LRP1B: variants seen among roughly 807,000 people sequenced by gnomAD.
LRP1B encodes low-density lipoprotein receptor-related protein 1B.
Under a neutral mutation model 556.6 loss-of-function variants are expected in LRP1B, and 217 were observed. The observed-to-expected ratio is 0.39, with a 90% CI of 0.35 to 0.44. The LOEUF (loss-of-function observed/expected upper bound fraction) is 0.44. Ranked by LOEUF, LRP1B falls within the 20% of genes least tolerant of loss-of-function variation. The pLI is 1.00. For synonymous variants in LRP1B, 2,047 were observed against 1,865.8 expected (o/e 1.10, Z -2.50); for missense variants, 5,053 against 5,620.8 (o/e 0.90, Z 3.23).
intron 6 of LRP1B, among the ~76,000 whole-genome samples, chr2:141,206,131 T>TCACA (rs10556736): frequency 1.9e-3 from 280 of 149,540 alleles, no homozygotes; most frequent in Middle Eastern, 0.01. Context: ...AGTGTACTAT[T>TCACA]CACACACACA....
chr2:141,955,881 C>A (rs1221606577), intron 1 of LRP1B, among the ~76,000 whole-genome samples: 3 of 152,046 alleles, frequency 2.0e-5, no homozygotes, highest in East Asian at 3.9e-4. Context: ...CTTAAGCCTG[C>A]CTAAAATTTT....
intron 1 of LRP1B, among the ~76,000 whole-genome samples, chr2:142,097,686 C>A (rs555024200): frequency 6.6e-6 from 1 of 151,560 alleles, no homozygotes; most frequent in East Asian, 1.9e-4. Context: ...TATGCTACCA[C>A]AAAAATAAGA....
chr2:140,917,955 T>C (rs570072382), intron 21 of LRP1B, among the ~76,000 whole-genome samples: 3 of 152,114 alleles, frequency 2.0e-5, no homozygotes, highest in African/African-American at 7.2e-5. Context: ...GGTGGGAGTA[T>C]ACAGGAAGTC....
At chr2:141,623,951 G>A (rs1688600960) in intron 2 of LRP1B, among the ~76,000 whole-genome samples, 1 of 144,518 alleles carries the variant, frequency 6.9e-6, no homozygotes, top group East Asian at 2.1e-4. Context: ...GGAGGCAGAG[G>A]TTGCAGTGAG....
At chr2:140,498,724 A>C (rs2104881955) in intron 55 of LRP1B, among the ~76,000 whole-genome samples, 1 of 152,002 alleles carries the variant, frequency 6.6e-6, no homozygotes, top group African/African-American at 2.4e-5. Flanking sequence ...TTGTACATAA[A>C]GCTTTTTACT....
chr2:141,889,620 T>C (rs906601393), intron 1 of LRP1B, among the ~76,000 whole-genome samples: 4 of 152,154 alleles, frequency 2.6e-5, no homozygotes, highest in African/African-American at 9.7e-5. Flanking sequence ...ATGTCTAATA[T>C]CGTCTTATCT....
chr2:140,246,461 A>ACACAACGATGATATAGACC (rs1225733248), intron 87 of LRP1B, among the ~76,000 whole-genome samples: 7 of 151,454 alleles, frequency 4.6e-5, no homozygotes, highest in African/African-American at 1.5e-4. Context: ...GTACACAGAC[A>ACACAACGATGATATAGACC]CACAACGATG....
At chr2:141,359,496 A>C (rs1313547923) in intron 3 of LRP1B, among the ~76,000 whole-genome samples, 1 of 152,160 alleles carries the variant, frequency 6.6e-6, no homozygotes, top group African/African-American at 2.4e-5. Context: ...GGTGGCTCAC[A>C]TCTGTAATCC....
At chr2:140,959,967 C>G (rs1695985554) in intron 18 of LRP1B, among the ~76,000 whole-genome samples, 1 of 151,492 alleles carries the variant, frequency 6.6e-6, no homozygotes, top group Non-Finnish European at 1.5e-5. Context: ...AGTGAGGTTG[C>G]CTGGGGTACT....
intron 21 of LRP1B, among the ~76,000 whole-genome samples, chr2:140,917,379 AC>A (rs548003422): frequency 1.1e-3 from 163 of 152,288 alleles, no homozygotes; most frequent in African/African-American, 3.7e-3. Flanking sequence ...ACTTATGTCC[AC>A]CCAAAAGCCT....
intron 18 of LRP1B, among the ~76,000 whole-genome samples, chr2:140,970,745 T>TGAGAGAGGG (rs1696394412): frequency 7.1e-5 from 2 of 28,166 alleles, no homozygotes; most frequent in African/African-American, 1.3e-4. Context: ...TTTTTTTTTT[T>TGAGAGAGGG]TTTTTTTTTT....
At chr2:141,089,613 T>C (rs891725125) in intron 7 of LRP1B, among the ~76,000 whole-genome samples, 7 of 152,340 alleles carry the variant, frequency 4.6e-5, no homozygotes, top group Admixed American at 2.0e-4. Context: ...ATGCTACCAC[T>C]GTGCATAACT....
At chr2:141,704,468 T>C (rs373467154) in intron 2 of LRP1B, among the ~76,000 whole-genome samples, 81 of 152,088 alleles carry the variant, frequency 5.3e-4, no homozygotes, top group African/African-American at 1.8e-3. Flanking sequence ...ACCCTCCATG[T>C]TCTTGAATTT....
chr2:141,288,083 C>A lies in LRP1B; in HGVS notation c.344-33442G>T, dbSNP rs536766722. Among the ~76,000 whole-genome samples the A allele has an allele frequency of 1.2e-4, 18 of 152,270 alleles. No individual in the cohort carries two copies. The East Asian group carries it at 3.5e-3, about 29-fold the overall frequency. ...ATACATACTATCTACTATCCCAACACTTTCTTCCAATCCAATTGTCTATCT... is the reference window on the plus strand; with the variant it reads ...ATACATACTATCTACTATCCCAACAATTTCTTCCAATCCAATTGTCTATCT... On this transcript the variant is annotated intron_variant, in intron 3 of 90. Coordinates refer to ENST00000389484, the MANE Select transcript of LRP1B (RefSeq NM_018557.3).
intron 77 of LRP1B, 125 bp downstream of exon 77, chr2:140,350,671 GA>G: frequency 3.9e-6 from 3 of 773,004 alleles, no homozygotes; most frequent in Non-Finnish European, 5.8e-6. Flanking sequence ...TCTATTTAAG[GA>G]GAATATTGGG....
chr2:141,510,906 ACACCC>A (rs1200519692), intron 2 of LRP1B, among the ~76,000 whole-genome samples: 41 of 47,252 alleles, frequency 8.7e-4, no homozygotes, highest in East Asian at 2.8e-3. Flanking sequence ...ACACACACAC[ACACCC>A]CACACAAACA....
intron 1 of LRP1B, among the ~76,000 whole-genome samples, chr2:142,016,523 T>C (rs1703135675): frequency 6.6e-6 from 1 of 152,112 alleles, no homozygotes; most frequent in Non-Finnish European, 1.5e-5. Context: ...TTCATGACCT[T>C]TGCAGGGACA....
At chr2:140,256,496 G>C (rs559081132) in intron 86 of LRP1B, among the ~76,000 whole-genome samples, 2 of 51,214 alleles carry the variant, frequency 3.9e-5, no homozygotes, top group Non-Finnish European at 7.0e-5. Context: ...TTAAGACAGA[G>C]TCTTGCTTTG....
intron 1 of LRP1B, among the ~76,000 whole-genome samples, chr2:141,835,612 A>G (rs1045195237): frequency 5.9e-5 from 9 of 151,928 alleles, no homozygotes; most frequent in African/African-American, 2.2e-4. Context: ...AACATAATTT[A>G]TGGTATAGGG....
Sources: allele counts gnomAD v4.1 joint callset (sites outside exome capture counted in the v4.1 genomes callset), GRCh38; gene constraint gnomAD v4.1.1; transcripts MANE v1.5; gene names NCBI Gene and HGNC (gene_info 2026-07-23, HGNC 2026-07-21).